MICA: variants seen among roughly 807,000 people sequenced by gnomAD.
MICA encodes HLA class I antigen.
In MICA, 18 loss-of-function variants were observed where a neutral mutation model predicts 34.3. That is an observed-to-expected ratio of 0.52 (90% CI 0.36 to 0.78). MICA has a LOEUF of 0.78. Ranked by LOEUF, MICA falls within the 30% of genes least tolerant of loss-of-function variation. MICA has a pLI of 0.00. For missense variants in MICA, 333 were observed against 409.4 expected, an observed-to-expected ratio of 0.81 and a Z score of 1.61; for synonymous variants, 135 against 156.9, an observed-to-expected ratio of 0.86 and a Z score of 1.04.
At chr6:31,404,284 G>T (rs1410359311) in intron 1 of MICA, among the ~76,000 whole-genome samples, 1 of 151,566 alleles carries the variant, frequency 6.6e-6, no homozygotes, top group Non-Finnish European at 1.5e-5. Context: ...TCCGGGCAGA[G>T]GATTCTTCCT....
At chr6:31,403,295 G>A (rs1237656072), upstream of MICA, among the ~76,000 whole-genome samples, 1 of 151,818 alleles carries the variant, frequency 6.6e-6, no homozygotes, top group Non-Finnish European at 1.5e-5. This position sits in a 1 kb window ranked among gnomAD's most constrained non-coding sequence, Gnocchi z 4.7. Context: ...ATGGGTGGTC[G>A]CGATGCCGGG....
At chr6:31,414,197 G>T (rs1771375806) in intron 5 of MICA, among the ~76,000 whole-genome samples, 1 of 152,000 alleles carries the variant, frequency 6.6e-6, no homozygotes. Context: ...AGGCTAAGGG[G>T]TCTCCCCTAC....
At chr6:31,406,821 A>G (rs183554108) in intron 1 of MICA, among the ~76,000 whole-genome samples, 22 of 151,886 alleles carry the variant, frequency 1.4e-4, no homozygotes, top group Middle Eastern at 3.4e-3. Context: ...TCCTTTGCCA[A>G]TGTGTGTTCT....
upstream of MICA, chr6:31,403,582 C>G (rs1334705080): frequency 4.9e-6 from 7 of 1,427,238 alleles, no homozygotes; most frequent in Non-Finnish European, 6.5e-6. This position sits in a 1 kb window ranked among gnomAD's most constrained non-coding sequence, Gnocchi z 4.7. Flanking sequence ...TCCGCGGCGC[C>G]TTCTCCCCGG....
chr6:31,413,348 T>G (rs1010531026), intron 5 of MICA, among the ~76,000 whole-genome samples: 4 of 151,792 alleles, frequency 2.6e-5, no homozygotes, highest in African/African-American at 9.7e-5. Flanking sequence ...CCCATGTTTT[T>G]GGGGATTTAA....
At chr6:31,410,377 T>G (rs1456074674) in intron 1 of MICA, among the ~76,000 whole-genome samples, 166 bp from the exon 2 acceptor site, 1 of 151,498 alleles carries the variant, frequency 6.6e-6, no homozygotes, top group African/African-American at 2.4e-5. Context: ...CCCTCCTCTA[T>G]CCTCCCACCC....
rs1334882069 is a variant in MICA at position 31,411,447 on chromosome 6, G to T, written c.613+88G>T. The T allele has an allele frequency of 7.6e-7, 1 of 1,308,832 alleles. No homozygotes were observed. Among genetic ancestry groups the T allele is most frequent in the East Asian group, 2.5e-5 (1 of 39,444 alleles). The allele number at this position is 1,308,832 out of a possible 1,614,324, so 81.1% of individuals were successfully genotyped here. On this transcript the variant is annotated intron_variant, in intron 3 of 5. Coordinates refer to ENST00000449934, the MANE Select transcript of MICA (RefSeq NM_001177519.3). This position sits in a 1 kb window ranked among gnomAD's most constrained non-coding sequence, Gnocchi z 4.3. ...AGATGTGTCCAGGGAAACCCTCCCT[G>T]TGCTATGGATGAAGGCATTTCCTGT...
chr6:31,408,281 A>T (rs1770854160), intron 1 of MICA, among the ~76,000 whole-genome samples: 1 of 151,938 alleles, frequency 6.6e-6, no homozygotes, highest in South Asian at 2.1e-4. Context: ...ATCGGTGTTC[A>T]TCAGGGATAT....
At chr6:31,406,007 A>G (rs1770728395) in intron 1 of MICA, among the ~76,000 whole-genome samples, 1 of 151,948 alleles carries the variant, frequency 6.6e-6, no homozygotes, top group East Asian at 1.9e-4. Context: ...ATAAACATGG[A>G]AAAGTAGATA....
intron 1 of MICA, among the ~76,000 whole-genome samples, chr6:31,409,985 C>T (rs1186721796): frequency 6.6e-6 from 1 of 151,190 alleles, no homozygotes; most frequent in Admixed American, 6.6e-5. Flanking sequence ...TCGTTGCTCC[C>T]CTCTGGGATA....
At chr6:31,407,600 G>GTATTT (rs1356208082) in intron 1 of MICA, among the ~76,000 whole-genome samples, 2 of 151,920 alleles carry the variant, frequency 1.3e-5, no homozygotes, top group East Asian at 3.9e-4. Flanking sequence ...TTATTCCTCA[G>GTATTT]TATTTTATTT....
Position 31,411,850 on chromosome 6 carries a change from T to C in MICA, c.614-97T>C. 6.7e-7 allele frequency: 1 copy of C among 1,498,600 alleles called. No individual in the cohort carries two copies. Among genetic ancestry groups the C allele is most frequent in the Non-Finnish European group, 8.9e-7 (1 of 1,125,050 alleles). The allele number at this position is 1,498,600 out of a possible 1,614,324, so 92.8% of individuals were successfully genotyped here. On this transcript the variant is annotated intron_variant, in intron 3 of 5. Coordinates refer to ENST00000449934, the MANE Select transcript of MICA (RefSeq NM_001177519.3). This position sits in a 1 kb window ranked among gnomAD's most constrained non-coding sequence, Gnocchi z 4.3. ...TTGCAGGTCAGGGGTCCCGGAGGGC[T>C]TCAGCCAGAGTGAGAACAGTGAAGA...
At chr6:31,402,834 A>G (rs1770510835), upstream of MICA, among the ~76,000 whole-genome samples, 1 of 151,672 alleles carries the variant, frequency 6.6e-6, no homozygotes, top group African/African-American at 2.4e-5. Flanking sequence ...CAGGCTGGAA[A>G]AGGGAGTCTG....
At chr6:31,402,912 G>C (rs1770517948), upstream of MICA, among the ~76,000 whole-genome samples, 2 of 151,754 alleles carry the variant, frequency 1.3e-5, no homozygotes, top group Non-Finnish European at 2.9e-5. Flanking sequence ...CCCAGGGACT[G>C]AATAGAGAGG....
chr6:31,411,265 C>T lies in MICA; in HGVS notation c.519C>T (p.Ala173=), dbSNP rs1215004880. Residue 173 remains alanine, a synonymous_variant, in exon 3 of 6, where the codon GCC becomes GCT. Transcript: ENST00000449934. This position sits in a 1 kb window ranked among gnomAD's most constrained non-coding sequence, Gnocchi z 4.3. ...MNVRNFLKED[A]MKTKTHYHAM... ...TCAGGAATTTCTTGAAGGAAGATGC[C>T]ATGAAGACCAAGACACACTATCACG... The T allele has an allele frequency of 6.2e-7, 1 of 1,611,910 alleles. No homozygotes were observed. Among genetic ancestry groups the T allele is most frequent in the Admixed American group, 1.7e-5 (1 of 59,072 alleles).
At chr6:31,409,574 C>T (rs1328324359) in intron 1 of MICA, among the ~76,000 whole-genome samples, 3 of 115,826 alleles carry the variant, frequency 2.6e-5, no homozygotes, top group East Asian at 2.9e-4. Flanking sequence ...TGCTTTTTCA[C>T]TCTGATTGTG....
In MICA at chr6:31,411,844, G is replaced by A; in HGVS notation, c.614-103G>A. 2.0e-6 allele frequency: 3 copies of A among 1,483,840 alleles called. No homozygotes were observed. The highest frequency in any genetic ancestry group is 2.7e-6 in the Non-Finnish European group (3 of 1,116,914). The allele number at this position is 1,483,840 out of a possible 1,614,324, so 91.9% of individuals were successfully genotyped here. On this transcript the variant is annotated intron_variant, in intron 3 of 5. Coordinates refer to ENST00000449934, the MANE Select transcript of MICA (RefSeq NM_001177519.3). This position sits in a 1 kb window ranked among gnomAD's most constrained non-coding sequence, Gnocchi z 4.3. ...ACAGACTTGCAGGTCAGGGGTCCCGGAGGGCTTCAGCCAGAGTGAGAACAG... is the reference window on the plus strand; with the variant it reads ...ACAGACTTGCAGGTCAGGGGTCCCGAAGGGCTTCAGCCAGAGTGAGAACAG...
upstream of MICA, among the ~76,000 whole-genome samples, chr6:31,403,127 C>T (rs914077637): frequency 3.1e-4 from 47 of 151,872 alleles, 1 homozygote; most frequent in African/African-American, 9.2e-4. The surrounding 1 kb of genome is among the most constrained non-coding windows in gnomAD (Gnocchi z 4.7). Context: ...TCACTGGTCT[C>T]ATTGCCAGTA....
chr6:31,400,979 C>T (rs1770393232), upstream of MICA, among the ~76,000 whole-genome samples: 1 of 151,872 alleles, frequency 6.6e-6, no homozygotes, highest in Non-Finnish European at 1.5e-5. Flanking sequence ...GGACTGGCTT[C>T]ATGACTCCCT....
Sources: allele counts gnomAD v4.1 joint callset (sites outside exome capture counted in the v4.1 genomes callset), GRCh38; gene constraint gnomAD v4.1.1; non-coding constraint Gnocchi (gnomAD v3.1); transcripts MANE v1.5; gene names NCBI Gene and HGNC (gene_info 2026-07-23, HGNC 2026-07-21).